The following FLVCR2 variants were observed in gnomAD, a reference collection of about 807,000 sequenced individuals.
FLVCR2 encodes choline/ethanolamine transporter FLVCR2.
Under a neutral mutation model 48.9 loss-of-function variants are expected in FLVCR2, and 38 were observed. The ratio of observed to expected loss-of-function variants is 0.78; its 90% CI spans 0.60 to 1.02. The LOEUF (loss-of-function observed/expected upper bound fraction) is 1.02. FLVCR2 is among the 50% of genes least tolerant of loss of function. FLVCR2 has a pLI of 0.00. For synonymous variants in FLVCR2, 255 were observed against 257.0 expected, an observed-to-expected ratio of 0.99 and a Z score of 0.07; for missense variants, 664 against 663.3, an observed-to-expected ratio of 1.00 and a Z score of -0.01.
chr14:75,599,169 A>G (rs533412094), intron 1 of FLVCR2, among the ~76,000 whole-genome samples: 1 of 152,358 alleles, frequency 6.6e-6, no homozygotes, highest in South Asian at 2.1e-4. Context: ...ATTCAAAGCC[A>G]TAGGAAATTT....
chr14:75,639,355 G>A lies in FLVCR2; in HGVS notation c.1128G>A (p.Glu376=). 1 of 1,609,908 alleles carries A rather than the reference G, an allele frequency of 6.2e-7. No homozygotes were observed. The highest frequency in any genetic ancestry group is 8.5e-7 in the Non-Finnish European group (1 of 1,176,138). ...ATTTCTTTGCCTCTACTTGTAGAGA[G>A]ACAACCCTGGTAGTCTATATCATGA... is the stretch of plus-strand genomic sequence containing the variant. ...IWLDRSKTYK[E]TTLVVYIMTL... The change falls in exon 6 of 10, where the codon GAG becomes GAA. Residue 376 remains glutamate, a synonymous_variant. Coordinates refer to ENST00000238667, the MANE Select transcript of FLVCR2 (RefSeq NM_017791.3).
At chr14:75,591,381 C>T (rs1287394468) in intron 1 of FLVCR2, among the ~76,000 whole-genome samples, 1 of 152,244 alleles carries the variant, frequency 6.6e-6, no homozygotes, top group Non-Finnish European at 1.5e-5. Flanking sequence ...AGAATAATCT[C>T]CTTTGGATCA....
chr14:75,621,446 A>C (rs892166028), intron 1 of FLVCR2, among the ~76,000 whole-genome samples: 14 of 151,722 alleles, frequency 9.2e-5, no homozygotes, highest in Admixed American at 3.3e-4. Context: ...GAAATGGTTT[A>C]ATTTGTTGGG....
In FLVCR2 at chr14:75,622,198, C is replaced by T. The variant is rs769963989; in HGVS notation, c.789C>T (p.Leu263=). 7 of 1,613,934 alleles carry T rather than the reference C, an allele frequency of 4.3e-6. No individual in the cohort carries two copies. Among genetic ancestry groups the T allele is most frequent in the Admixed American group, 3.3e-5 (2 of 59,992 alleles). Residue 263 remains leucine, a synonymous_variant, in exon 2 of 10, where the codon CTC becomes CTT. Coordinates refer to ENST00000238667, the MANE Select transcript of FLVCR2 (RefSeq NM_017791.3). ...ATATAATAGGAGGTGTGGCCACTCT[C>T]CTCCTCATCCTTGTCATCATTGGTA... is the stretch of plus-strand genomic sequence containing the variant. The part of the protein sequence containing the change: ...MFYIIGGVAT[L]LLILVIIVFK...
At chr14:75,640,109 A>G (rs981494786) in intron 6 of FLVCR2, among the ~76,000 whole-genome samples, 2 of 151,948 alleles carry the variant, frequency 1.3e-5, no homozygotes, top group Non-Finnish European at 2.9e-5. Context: ...AAATACAAAA[A>G]TCAGCCAGGC....
chr14:75,596,147 C>T, intron 1 of FLVCR2: 1 of 815,686 alleles, frequency 1.2e-6, no homozygotes, highest in Non-Finnish European at 2.1e-6. Flanking sequence ...CTGTTTGTTT[C>T]CTCTGAAGTC....
At position 75,630,287 on chromosome 14, in the gene FLVCR2, C is replaced by T. The variant is rs540251361; in HGVS notation, c.953-3342C>T. Among the ~76,000 whole-genome samples, 469 of 152,242 alleles carry T rather than the reference C, an allele frequency of 3.1e-3. 2 individuals are homozygous for T. The highest frequency in any genetic ancestry group is 0.011 in the African/African-American group (441 of 41,530). ...GGTAGCTGTGTGATGGGTCTTGAAG[C>T]GCCTTCCCATCCCAGCTGCCTCCAT... On this transcript the variant is annotated intron_variant, in intron 3 of 9. Coordinates refer to ENST00000238667, the MANE Select transcript of FLVCR2 (RefSeq NM_017791.3).
chr14:75,603,367 G>C (rs10143071), intron 1 of FLVCR2, among the ~76,000 whole-genome samples: 50,556 of 152,066 alleles, frequency 0.33, 11,069 homozygotes, highest in East Asian at 0.65. Flanking sequence ...AGAGAAGCAG[G>C]TTTACTTTAG....
chr14:75,627,243 G>A (rs1353780626), intron 3 of FLVCR2, among the ~76,000 whole-genome samples: 2 of 151,926 alleles, frequency 1.3e-5, no homozygotes, highest in Non-Finnish European at 2.9e-5. Flanking sequence ...AATGATAACC[G>A]AGGAAATAAA....
At chr14:75,602,962 T>G (rs1889201832) in intron 1 of FLVCR2, among the ~76,000 whole-genome samples, 1 of 152,212 alleles carries the variant, frequency 6.6e-6, no homozygotes. Flanking sequence ...AGAATGCATT[T>G]CCAAGCCTGT....
At chr14:75,596,160 CG>C (rs1889014731) in intron 1 of FLVCR2, 2 of 785,534 alleles carry the variant, frequency 2.5e-6, no homozygotes, top group Non-Finnish European at 4.5e-6. Context: ...CTGAAGTCGT[CG>C]GTTGATCATG....
chr14:75,594,336 G>T (rs1410757090), intron 1 of FLVCR2, among the ~76,000 whole-genome samples: 2 of 152,098 alleles, frequency 1.3e-5, no homozygotes, highest in Non-Finnish European at 2.9e-5. Flanking sequence ...TCCATTCATG[G>T]CAGACTTTTC....
chr14:75,611,483 C>G (rs1169756644), intron 1 of FLVCR2, among the ~76,000 whole-genome samples: 3 of 152,154 alleles, frequency 2.0e-5, no homozygotes, highest in Admixed American at 1.3e-4. Flanking sequence ...TGCCTGTAAT[C>G]CCAGCGCTTT....
chr14:75,626,162 T>C (rs1594809516), intron 3 of FLVCR2, among the ~76,000 whole-genome samples: 1 of 152,260 alleles, frequency 6.6e-6, no homozygotes, highest in East Asian at 1.9e-4. Context: ...CGGCTAATTT[T>C]TGTATTTTTA....
intron 1 of FLVCR2, among the ~76,000 whole-genome samples, chr14:75,585,669 C>T (rs900672867): frequency 1.8e-4 from 28 of 152,066 alleles, no homozygotes; most frequent in Admixed American, 3.9e-4. Context: ...GGCGTCCCCG[C>T]GGTGGTCAGA....
At position 75,646,763 on chromosome 14, in the gene FLVCR2, A is replaced by T. The variant is rs570812592; in HGVS notation, c.*291A>T. On this transcript the variant is annotated 3_prime_UTR_variant, in exon 10 of 10. Coordinates refer to ENST00000238667, the MANE Select transcript of FLVCR2 (RefSeq NM_017791.3). ...GGCAGAGAATATTGGAGTCAATCCT[A>T]GCTTGGTCTCTTGCCTTCCCTCTTT... is the stretch of plus-strand genomic sequence containing the variant. The T allele has an allele frequency of 5.1e-4, 219 of 430,916 alleles. No homozygotes were observed. The highest frequency in any genetic ancestry group is 4.1e-3 in the African/African-American group (206 of 49,684). The allele number at this position is 430,916 out of a possible 1,614,324, so 26.7% of individuals were successfully genotyped here. A position where few individuals can be genotyped will look rare whatever the true frequency, so the allele number is the denominator to read the frequency against.
At chr14:75,597,737 T>G (rs1254815521) in intron 1 of FLVCR2, among the ~76,000 whole-genome samples, 7 of 152,050 alleles carry the variant, frequency 4.6e-5, no homozygotes. Context: ...GTCTGGCTAA[T>G]TTTTCTATTT....
chr14:75,598,801 G>A (rs534011164), intron 1 of FLVCR2, among the ~76,000 whole-genome samples: 1 of 152,364 alleles, frequency 6.6e-6, no homozygotes, highest in South Asian at 2.1e-4. Flanking sequence ...GCCTTGCCAG[G>A]CATTGTTATA....
In FLVCR2 at chr14:75,582,280, A is replaced by T. The variant is rs183206655; in HGVS notation, c.669+2639A>T. On this transcript the variant is annotated intron_variant, in intron 1 of 9. Coordinates refer to ENST00000238667, the MANE Select transcript of FLVCR2 (RefSeq NM_017791.3). ...AGTGAGGAAACCTCTTTCAGCCCAT[A>T]TAACAGCATGGTGGTGTAGGATATG... 8.2e-3 allele frequency among the ~76,000 whole-genome samples: 1,249 copies of T among 152,320 alleles called. 21 individuals are homozygous for T. The highest frequency in any genetic ancestry group is 0.029 in the African/African-American group (1,203 of 41,550).
Sources: gnomAD v4.1 joint callset for allele counts (sites outside exome capture counted in the v4.1 genomes callset) on GRCh38, gnomAD v4.1.1 for gene constraint, MANE v1.5 for transcripts, NCBI Gene and HGNC (gene_info 2026-07-23, HGNC 2026-07-21) for gene names.